The following PCSK5 variants were observed in gnomAD, a reference collection of about 807,000 sequenced individuals.
The protein encoded by PCSK5 is proprotein convertase subtilisin/kexin type 5, also known as prohormone convertase 5.
A neutral mutation model predicts 233.2 loss-of-function variants in PCSK5; 129 were observed. The observed-to-expected ratio is 0.55, with a 90% confidence interval of 0.48 to 0.64. PCSK5 has a LOEUF of 0.64. PCSK5 is among the 30% of genes least tolerant of loss of function. The pLI is 0.00. For synonymous variants in PCSK5, 825 were observed against 879.2 expected (o/e 0.94, Z 1.09); for missense variants, 2,076 against 2,430.1 (o/e 0.85, Z 3.06).
chr9:76,347,652 A>T (rs1331321366), intron 35 of PCSK5, among the ~76,000 whole-genome samples: 1 of 151,988 alleles, frequency 6.6e-6, no homozygotes, highest in Admixed American at 6.6e-5. Flanking sequence ...GCACTTTGGG[A>T]GGCCAAGGTG....
chr9:76,040,379 C>CTG (rs1563988623), intron 5 of PCSK5, among the ~76,000 whole-genome samples: 125 of 51,092 alleles, frequency 2.4e-3, no homozygotes, highest in South Asian at 0.011. Flanking sequence ...CTCTCTCTCT[C>CTG]TCTCTGTCTC....
At chr9:76,084,336 ATCTAT>A (rs1279477621) in intron 7 of PCSK5, among the ~76,000 whole-genome samples, 1 of 152,238 alleles carries the variant, frequency 6.6e-6, no homozygotes, top group African/African-American at 2.4e-5. Flanking sequence ...AGGAACACAA[ATCTAT>A]TCTAACCTTG....
rs558362295 is a variant in PCSK5 at position 76,083,169 on chromosome 9, A to AT, written c.894+11273dup. Among the ~76,000 whole-genome samples, 47 of 142,288 alleles carry AT rather than the reference A, an allele frequency of 3.3e-4. No homozygotes were observed. In the South Asian group the frequency reaches 0.01, roughly 30 times the overall value. 93.3% of individuals were successfully genotyped at this position (142,288 alleles called of 152,430 possible). ...TGTTGCAGTGAGCTGAAATTGGGCC[A>AT]TTGCACTCCAGCCTGGGCAACAGAA... On this transcript the variant is annotated intron_variant, in intron 7 of 37. Transcript: ENST00000674117.
At chr9:76,204,440 TCTCTCTTCCCTCTC>T (rs1488397048) in intron 20 of PCSK5, among the ~76,000 whole-genome samples, 1 of 152,008 alleles carries the variant, frequency 6.6e-6, no homozygotes, top group African/African-American at 2.4e-5. Flanking sequence ...CTTTCTTTCT[TCTCTCTTCCCTCTC>T]CTCTCTTCTC....
chr9:76,342,619 A>G (rs1051617725), intron 35 of PCSK5, among the ~76,000 whole-genome samples: 2 of 152,206 alleles, frequency 1.3e-5, no homozygotes, highest in African/African-American at 4.8e-5. Context: ...TCCAAGTTTA[A>G]GGTGGCTTCC....
intron 24 of PCSK5, among the ~76,000 whole-genome samples, chr9:76,269,901 T>A (rs1827455592): frequency 6.6e-6 from 1 of 152,202 alleles, no homozygotes; most frequent in African/African-American, 2.4e-5. Flanking sequence ...TGCCTCCTGA[T>A]TAATGAATAG....
intron 1 of PCSK5, among the ~76,000 whole-genome samples, chr9:75,912,777 T>C (rs1822804344): frequency 6.6e-6 from 1 of 152,014 alleles, no homozygotes; most frequent in Non-Finnish European, 1.5e-5. Flanking sequence ...TGGAGAACAT[T>C]GTCTGTTCAG....
intron 2 of PCSK5, among the ~76,000 whole-genome samples, chr9:75,939,867 T>A (rs1357670839): frequency 1.3e-5 from 2 of 152,184 alleles, no homozygotes; most frequent in Non-Finnish European, 1.5e-5. Context: ...ACTAAGACAG[T>A]GTCACTCCCT....
At chr9:76,304,065 G>C (rs1828701579) in intron 28 of PCSK5, among the ~76,000 whole-genome samples, 1 of 152,134 alleles carries the variant, frequency 6.6e-6, no homozygotes, top group South Asian at 2.1e-4. Context: ...CCAGCTACTT[G>C]GGAGGCTGAG....
intron 24 of PCSK5, among the ~76,000 whole-genome samples, chr9:76,246,849 G>T (rs1238757277): frequency 6.6e-6 from 1 of 152,178 alleles, no homozygotes; most frequent in Non-Finnish European, 1.5e-5. Flanking sequence ...CTATTACCAG[G>T]GGTCCTTGCT....
rs577626714 is a variant in PCSK5, at chr9:76,215,287, A to C, written c.2627-12216A>C. Among the ~76,000 whole-genome samples, 9 of 152,310 alleles carry C rather than the reference A, an allele frequency of 5.9e-5. No individual in the cohort carries two copies. The South Asian group carries it at 1.9e-3, about 32-fold the overall frequency. Reference sequence around the variant, plus strand: ...CTTGAAAGCAAAAAGAAGTCACAGCAGGTCAGACAGCAGCCAGAGGGAGTT... The same window carrying C: ...CTTGAAAGCAAAAAGAAGTCACAGCCGGTCAGACAGCAGCCAGAGGGAGTT... On this transcript the variant is annotated intron_variant, in intron 20 of 37. Transcript: ENST00000674117.
At chr9:76,207,662 C>T (rs1564108474) in intron 20 of PCSK5, among the ~76,000 whole-genome samples, 2 of 152,026 alleles carry the variant, frequency 1.3e-5, no homozygotes, top group African/African-American at 2.4e-5. Context: ...TGTGTTAACA[C>T]GTGTTATGAA....
intron 9 of PCSK5, among the ~76,000 whole-genome samples, chr9:76,124,524 A>ATCAGGAGG (rs57933547): frequency 0.47 from 70,727 of 150,898 alleles, 16,983 homozygotes; most frequent in Admixed American, 0.52. Context: ...AGGCAGGCAG[A>ATCAGGAGG]TCAGGAGGTC....
intron 33 of PCSK5, among the ~76,000 whole-genome samples, chr9:76,328,975 A>ATTTTTTTTTTTTTTTTTTTTTT (rs59466685): frequency 2.4e-5 from 3 of 123,726 alleles, no homozygotes; most frequent in Non-Finnish European, 3.3e-5. Context: ...CTCCCGGCTA[A>ATTTTTTTTTTTTTTTTTTTTTT]TTTTTTTTTT....
intron 1 of PCSK5, among the ~76,000 whole-genome samples, chr9:75,907,952 G>T (rs909483687): frequency 1.3e-5 from 2 of 152,184 alleles, no homozygotes; most frequent in African/African-American, 4.8e-5. Flanking sequence ...CTCATGGCAG[G>T]GCCTAGCCGG....
chr9:76,283,240 G>T (rs2131391639), intron 24 of PCSK5, among the ~76,000 whole-genome samples: 1 of 152,308 alleles, frequency 6.6e-6, no homozygotes, highest in Non-Finnish European at 1.5e-5. Context: ...TCTACTGTGG[G>T]TAAAATGCTA....
chr9:75,986,762 A>C (rs905396189), intron 3 of PCSK5, among the ~76,000 whole-genome samples: 25 of 152,214 alleles, frequency 1.6e-4, no homozygotes, highest in African/African-American at 6.0e-4. Context: ...AATCATGGAA[A>C]GTGTTCGATT....
chr9:75,953,487 A>G (rs1215873375), intron 2 of PCSK5, among the ~76,000 whole-genome samples: 2 of 152,074 alleles, frequency 1.3e-5, no homozygotes, highest in African/African-American at 4.8e-5. Flanking sequence ...TCACCATGAG[A>G]TTGTCCTTTT....
chr9:75,947,271 A>C (rs1824620202), intron 2 of PCSK5, among the ~76,000 whole-genome samples: 1 of 152,224 alleles, frequency 6.6e-6, no homozygotes, highest in Middle Eastern at 3.2e-3. Flanking sequence ...CAACAGTAGA[A>C]CAAATTTTAC....
Sources: allele counts gnomAD v4.1 joint callset (sites outside exome capture counted in the v4.1 genomes callset), GRCh38; gene constraint gnomAD v4.1.1; transcripts MANE v1.5; gene names NCBI Gene and HGNC (gene_info 2026-07-23, HGNC 2026-07-21).